CUX2: variants seen among roughly 807,000 people sequenced by gnomAD.
CUX2 encodes the protein cut like homeobox 2.
A neutral mutation model predicts 144.8 loss-of-function variants in CUX2; 40 were observed. That is an observed-to-expected ratio of 0.28 (90% CI 0.21 to 0.36). The LOEUF (loss-of-function observed/expected upper bound fraction) is 0.36. Among genes scored for constraint, CUX2 ranks in the 10% least tolerant of loss-of-function variants. The pLI, the probability that CUX2 is intolerant of heterozygous loss-of-function variation, is 1.00. For missense variants in CUX2, 1,615 were observed against 1,994.0 expected (o/e 0.81, Z 3.62); for synonymous variants, 827 against 875.6 (o/e 0.94, Z 0.98).
intron 1 of CUX2, among the ~76,000 whole-genome samples, chr12:111,049,478 T>A (rs117456219): frequency 1.3e-5 from 2 of 152,218 alleles, no homozygotes; most frequent in African/African-American, 4.8e-5. Context: ...TGTAGTGAAA[T>A]AACCCCAAAA....
chr12:111,200,451 C>T (rs1251205537), intron 1 of CUX2, among the ~76,000 whole-genome samples: 3 of 151,978 alleles, frequency 2.0e-5, no homozygotes, highest in East Asian at 1.9e-4. Flanking sequence ...CTCAGGACCC[C>T]GTACAGCTTG....
At chr12:111,051,931 T>C (rs1870286880) in intron 1 of CUX2, among the ~76,000 whole-genome samples, 1 of 152,154 alleles carries the variant, frequency 6.6e-6, no homozygotes, top group South Asian at 2.1e-4. Flanking sequence ...GTTTACCATA[T>C]ATATTGTAAC....
At chr12:111,278,390 T>G (rs1030150542) in intron 4 of CUX2, among the ~76,000 whole-genome samples, 2 of 152,222 alleles carry the variant, frequency 1.3e-5, no homozygotes, top group African/African-American at 2.4e-5. Flanking sequence ...CACTGCACTG[T>G]GGCCTGGGCG....
intron 18 of CUX2, among the ~76,000 whole-genome samples, chr12:111,331,841 G>A (rs1888131341): frequency 6.6e-6 from 1 of 152,000 alleles, no homozygotes; most frequent in Non-Finnish European, 1.5e-5. Flanking sequence ...TACTTTGGGG[G>A]CGCCGAGGAG....
intron 7 of CUX2, among the ~76,000 whole-genome samples, chr12:111,296,143 A>G (rs908510015): frequency 6.6e-6 from 1 of 152,030 alleles, no homozygotes; most frequent in Non-Finnish European, 1.5e-5. Context: ...TGGGGGGCTT[A>G]TACCCCAGGT....
intron 1 of CUX2, among the ~76,000 whole-genome samples, chr12:111,127,161 T>C (rs1411168383): frequency 2.6e-5 from 4 of 152,254 alleles, no homozygotes; most frequent in African/African-American, 9.6e-5. Context: ...ATTACAGTCC[T>C]CAGTTCTGTA....
At chr12:111,288,957 AT>A (rs1323254732) in intron 4 of CUX2, among the ~76,000 whole-genome samples, 1 of 149,918 alleles carries the variant, frequency 6.7e-6, no homozygotes, top group Non-Finnish European at 1.5e-5. Flanking sequence ...CACAAAAAAA[AT>A]AAATAAATAC....
intron 18 of CUX2, among the ~76,000 whole-genome samples, chr12:111,332,147 T>C (rs1316198276): frequency 6.7e-6 from 1 of 149,212 alleles, no homozygotes; most frequent in Non-Finnish European, 1.5e-5. Context: ...TTTTTTTTTT[T>C]TTGGAAACAG....
At position 111,334,744 on chromosome 12, in the gene CUX2, C is replaced by T. The variant is rs1592981691; in HGVS notation, c.3196+34C>T. 1.5e-5 allele frequency: 23 copies of T among 1,557,806 alleles called. 1 individual carries two copies. The East Asian group carries it at 5.2e-4, about 35-fold the overall frequency. On this transcript the variant is annotated intron_variant, in intron 19 of 21. Coordinates refer to ENST00000261726, the MANE Select transcript of CUX2 (RefSeq NM_015267.4). ...CGGGTGGGAATCGGAGAGGCTGCCT[C>T]CCACCTGGGTTGGCTCCTACTTGCC...
At chr12:111,193,681 G>A (rs1880041345) in intron 1 of CUX2, among the ~76,000 whole-genome samples, 1 of 152,240 alleles carries the variant, frequency 6.6e-6, no homozygotes, top group African/African-American at 2.4e-5. Flanking sequence ...CGCTGGAGGT[G>A]TGGGGGCTGC....
rs1360393020 is a variant in CUX2 at position 111,340,078 on chromosome 12, C to T, written c.3385+1604C>T. On this transcript the variant is annotated intron_variant, in intron 20 of 21. Transcript: ENST00000261726. The stretch of plus-strand genomic sequence containing the variant: ...GGGCATGGTGATGCATGCCTGTAAT[C>T]CTAGCTACCTGGGAGGCTGAGGCAG... 1.3e-5 allele frequency among the ~76,000 whole-genome samples: 2 copies of T among 152,124 alleles called. 1 individual carries two copies. The highest frequency in any genetic ancestry group is 3.9e-4 in the East Asian group (2 of 5,188).
intron 1 of CUX2, among the ~76,000 whole-genome samples, chr12:111,135,432 T>C (rs75669938): frequency 0.014 from 2,078 of 152,260 alleles, 47 homozygotes; most frequent in African/African-American, 0.047. Context: ...GGTTTCTCAG[T>C]AAGTTAAACA....
At chr12:111,115,283 T>C (rs1022295046) in intron 1 of CUX2, among the ~76,000 whole-genome samples, 4 of 127,882 alleles carry the variant, frequency 3.1e-5, no homozygotes, top group South Asian at 2.6e-4. Context: ...AAATTTCTTT[T>C]TTTTTTTTTT....
chr12:111,296,348 C>T, intron 7 of CUX2, 125 bp from the exon 8 acceptor site: 1 of 733,862 alleles, frequency 1.4e-6, no homozygotes, highest in Non-Finnish European at 2.3e-6. Flanking sequence ...GAAAGATCTC[C>T]CTCACTACCC....
At chr12:111,345,129 A>T (rs988455929) in intron 21 of CUX2, among the ~76,000 whole-genome samples, 3 of 151,778 alleles carry the variant, frequency 2.0e-5, no homozygotes, top group African/African-American at 4.8e-5. Flanking sequence ...GCCATTTTTT[A>T]AAAAAATGGT....
rs150355586 is a variant in CUX2 at position 111,298,514 on chromosome 12, C to T, written c.705-27C>T. The T allele has an allele frequency of 1.5e-5, 24 of 1,561,180 alleles. No individual in the cohort carries two copies. The African/African-American group carries it at 2.8e-4, about 18-fold the overall frequency. The stretch of plus-strand genomic sequence containing the variant: ...GGCCTGGAGCCCGCCGGAAGCCCTT[C>T]CTCAGGGCCTCATCTTTGTGTCTCA... On this transcript the variant is annotated intron_variant, in intron 8 of 21. Transcript: ENST00000261726.
rs1320848333 is a variant in CUX2, at chr12:111,246,558, A to G, written c.223-17203A>G. Among the ~76,000 whole-genome samples, 1 of 152,170 alleles carries G rather than the reference A, an allele frequency of 6.6e-6. No homozygotes were observed. Among genetic ancestry groups the G allele is most frequent in the Admixed American group, 6.5e-5 (1 of 15,272 alleles). On this transcript the variant is annotated intron_variant, in intron 3 of 21. Transcript: ENST00000261726. The surrounding 1 kb of genome is among the most constrained non-coding windows in gnomAD (Gnocchi z 4.0). ...AGAGAAGCTGGAAATCTTGATTTTT[A>G]TGCAAAAAACAAAAATCTCCGGATT... is the stretch of plus-strand genomic sequence containing the variant.
intron 1 of CUX2, among the ~76,000 whole-genome samples, chr12:111,084,182 G>A (rs1442922906): frequency 2.0e-5 from 3 of 152,190 alleles, no homozygotes; most frequent in Non-Finnish European, 4.4e-5. Context: ...CTGGTCTACA[G>A]CGGTGAAGAC....
chr12:111,337,715 T>C (rs1212346546), intron 19 of CUX2, among the ~76,000 whole-genome samples: 1 of 152,220 alleles, frequency 6.6e-6, no homozygotes, highest in Admixed American at 6.5e-5. Flanking sequence ...AGGGATCTCC[T>C]AGGAGTAAAG....
Sources: allele counts gnomAD v4.1 joint callset (sites outside exome capture counted in the v4.1 genomes callset), GRCh38; gene constraint gnomAD v4.1.1; non-coding constraint Gnocchi (gnomAD v3.1); transcripts MANE v1.5; gene names NCBI Gene and HGNC (gene_info 2026-07-23, HGNC 2026-07-21).